Variants in DHRSX observed in about 807,000 individuals in gnomAD.
DHRSX encodes the protein dehydrogenase/reductase X-linked.
Under a neutral mutation model 34.0 loss-of-function variants are expected in DHRSX, and 31 were observed. That is an observed-to-expected ratio of 0.91 (90% confidence interval 0.69 to 1.23). DHRSX has a LOEUF of 1.23. Among genes scored for constraint, DHRSX ranks in the 50% most tolerant of loss-of-function variants. The pLI is 0.00. For missense variants in DHRSX, 414 were observed against 428.1 expected, an observed-to-expected ratio of 0.97 and a Z score of 0.29; for synonymous variants, 201 against 183.8, an observed-to-expected ratio of 1.09 and a Z score of -0.76.
intron 3 of DHRSX, among the ~76,000 whole-genome samples, chrX:2,304,029 ATGGATGG>A (rs2042057860): frequency 1.0e-5 from 1 of 98,558 alleles, no homozygotes; most frequent in African/African-American, 4.4e-5. Context: ...GAACTGATGG[ATGGATGG>A]ATGGATGGAT....
intron 1 of DHRSX, among the ~76,000 whole-genome samples, chrX:2,431,001 G>T (rs1450419170): frequency 6.6e-6 from 1 of 151,244 alleles, no homozygotes; most frequent in East Asian, 1.9e-4. Flanking sequence ...CTCCAGCCTG[G>T]GTGACAGAGC....
chrX:2,358,865 C>T (rs1193686160), intron 3 of DHRSX, among the ~76,000 whole-genome samples: 3 of 151,054 alleles, frequency 2.0e-5, no homozygotes, highest in South Asian at 2.1e-4. Flanking sequence ...AGGAGAATGG[C>T]GTGAACCCGG....
At chrX:2,267,398 A>C (rs2041489324) in intron 4 of DHRSX, among the ~76,000 whole-genome samples, 1 of 152,058 alleles carries the variant, frequency 6.6e-6, no homozygotes, top group East Asian at 1.9e-4. Context: ...TACAAAAATT[A>C]GCCAGGTTTG....
chrX:2,385,505 C>T (rs1334559503), intron 3 of DHRSX, among the ~76,000 whole-genome samples: 2 of 151,322 alleles, frequency 1.3e-5, no homozygotes, highest in Non-Finnish European at 3.0e-5. Flanking sequence ...CAGCCAGAAC[C>T]AATCAATCAG....
At chrX:2,223,748 G>A (rs1003959056) in intron 6 of DHRSX, among the ~76,000 whole-genome samples, 66 of 152,142 alleles carry the variant, frequency 4.3e-4, no homozygotes, top group African/African-American at 1.6e-3. Context: ...TCTCTTTTGC[G>A]GCTGTGTTCT....
chrX:2,456,169 G>T (rs971169100), intron 1 of DHRSX, among the ~76,000 whole-genome samples: 1 of 152,142 alleles, frequency 6.6e-6, no homozygotes, highest in African/African-American at 2.4e-5. Flanking sequence ...AGACACGACT[G>T]TAACAGGGAC....
rs1340414504 is a variant in DHRSX, at chrX:2,493,896, C to T, written c.109+6921G>A. 5.3e-5 allele frequency among the ~76,000 whole-genome samples: 8 copies of T among 152,006 alleles called. No individual in the cohort carries two copies. In the East Asian group the frequency reaches 7.7e-4, roughly 15 times the overall value. ...CTGAGGCACGAGAATCGTTTGAACC[C>T]GGGAAGCAGAGGTTGCAGTGAGCCG... On this transcript the variant is annotated intron_variant, in intron 1 of 6. Transcript: ENST00000334651.
chrX:2,246,748 G>GAAAGAAAGAAAGA (rs776138629), intron 5 of DHRSX, among the ~76,000 whole-genome samples: 9 of 103,778 alleles, frequency 8.7e-5, no homozygotes, highest in Non-Finnish European at 1.8e-4. Flanking sequence ...AAGAAAGAAA[G>GAAAGAAAGAAAGA]AAAAAGAAAG....
chrX:2,367,041 C>A lies in DHRSX; in HGVS notation c.286+41704G>T, dbSNP rs1165683624. Among the ~76,000 whole-genome samples the A allele has an allele frequency of 2.6e-5, 4 of 152,250 alleles. 1 individual carries two copies. The East Asian group carries it at 7.7e-4, about 29-fold the overall frequency. On this transcript the variant is annotated intron_variant, in intron 3 of 6. Coordinates refer to ENST00000334651, the MANE Select transcript of DHRSX (RefSeq NM_145177.3). ...TCACGAACACCAGCCATTCCCCAGG[C>A]TTCAGTTAAGCCATTCCCCATCAGG...
intron 3 of DHRSX, among the ~76,000 whole-genome samples, chrX:2,338,771 C>A (rs1190131610): frequency 1.3e-5 from 2 of 152,010 alleles, no homozygotes; most frequent in Non-Finnish European, 1.5e-5. Flanking sequence ...AGAATCATAA[C>A]CCAAATAAAC....
chrX:2,225,194 C>G (rs1265853557), intron 6 of DHRSX, among the ~76,000 whole-genome samples: 1 of 150,990 alleles, frequency 6.6e-6, no homozygotes, highest in Non-Finnish European at 1.5e-5. Context: ...CACACATGCA[C>G]ACATTTGCAT....
chrX:2,488,515 A>C, intron 1 of DHRSX: 3 of 1,264,914 alleles, frequency 2.4e-6, no homozygotes, highest in Admixed American at 2.9e-5. Flanking sequence ...TCCACCTTCT[A>C]GGTGTCAAAG....
chrX:2,470,174 T>C (rs758955804), intron 1 of DHRSX, among the ~76,000 whole-genome samples: 1 of 150,454 alleles, frequency 6.6e-6, no homozygotes, highest in African/African-American at 2.4e-5. Flanking sequence ...TCATCTCGTA[T>C]GTAGAATCTA....
rs543841388 is a variant in DHRSX, at chrX:2,408,056, A to G, written c.286+689T>C. 4.1e-4 allele frequency among the ~76,000 whole-genome samples: 63 copies of G among 152,284 alleles called. No homozygotes were observed. The Middle Eastern group carries it at 0.024, about 58-fold the overall frequency. On this transcript the variant is annotated intron_variant, in intron 3 of 6. Transcript: ENST00000334651. ...GAAAGAGCACACCAGAATTTGGTCT[A>G]GCACCTGGTCGAAAATCTTAAGGGC...
At chrX:2,321,020 A>G (rs2042304836) in intron 3 of DHRSX, among the ~76,000 whole-genome samples, 1 of 152,118 alleles carries the variant, frequency 6.6e-6, no homozygotes, top group Non-Finnish European at 1.5e-5. Flanking sequence ...ATTTGCAAAC[A>G]ATGATAGCTT....
At chrX:2,253,978 G>A (rs1311112480) in intron 5 of DHRSX, among the ~76,000 whole-genome samples, 2 of 152,142 alleles carry the variant, frequency 1.3e-5, no homozygotes, top group Non-Finnish European at 2.9e-5. Flanking sequence ...GGAGAATGGC[G>A]TGAACCCGGA....
At chrX:2,484,192 T>C (rs1278146207) in intron 1 of DHRSX, among the ~76,000 whole-genome samples, 2 of 152,006 alleles carry the variant, frequency 1.3e-5, no homozygotes, top group Non-Finnish European at 2.9e-5. Context: ...AGGCTGGTCT[T>C]GAACTCCTGA....
At position 2,266,732 on chromosome X, in the gene DHRSX, G is replaced by A. The variant is rs1451316907; in HGVS notation, c.596+8C>T. ...ATGCTGTTATGATTATTCACAGGGT[G>A]CACCTACCTGCTCTGAAGGTCATCC... On this transcript the variant is annotated splice_region_variant and intron_variant, in intron 5 of 6. Transcript: ENST00000334651. 4.3e-6 allele frequency: 7 copies of A among 1,613,538 alleles called. No individual in the cohort carries two copies. The highest frequency in any genetic ancestry group is 1.7e-5 in the Admixed American group (1 of 60,016).
chrX:2,495,911 A>C (rs2045273345), intron 1 of DHRSX, among the ~76,000 whole-genome samples: 1 of 152,120 alleles, frequency 6.6e-6, no homozygotes, highest in Non-Finnish European at 1.5e-5. Flanking sequence ...GCAAGAGACC[A>C]GTGTGAAGAA....
Sources: allele counts gnomAD v4.1 joint callset (sites outside exome capture counted in the v4.1 genomes callset), GRCh38; gene constraint gnomAD v4.1.1; transcripts MANE v1.5; gene names NCBI Gene and HGNC (gene_info 2026-07-23, HGNC 2026-07-21).